Variants in IL1RAPL2 observed in about 807,000 individuals in gnomAD.
The protein encoded by IL1RAPL2 is X-linked interleukin-1 receptor accessory protein-like 2.
A neutral mutation model predicts 44.1 loss-of-function variants in IL1RAPL2; 3 were observed. The observed-to-expected ratio is 0.07, with a 90% CI of 0.03 to 0.18. IL1RAPL2 has a LOEUF of 0.18. Ranked by LOEUF, IL1RAPL2 falls within the 10% of genes least tolerant of loss-of-function variation. The probability of loss-of-function intolerance (pLI) is 1.00; values close to 1 mark genes in which losing one functional copy is unlikely to be tolerated. For synonymous variants in IL1RAPL2, 181 were observed against 178.8 expected, an observed-to-expected ratio of 1.01 and a Z score of -0.10; for missense variants, 391 against 496.4, an observed-to-expected ratio of 0.79 and a Z score of 2.02.
chrX:104,647,124 G>A, intron 1 of IL1RAPL2: 1 of 229,988 alleles, frequency 4.3e-6, no homozygotes. Context: ...TGGGATAGGG[G>A]CAGAAGGAAG....
intron 2 of IL1RAPL2, among the ~76,000 whole-genome samples, chrX:104,829,118 C>T (rs1397677855): frequency 1.8e-5 from 2 of 111,702 alleles, no homozygotes; most frequent in African/African-American, 6.5e-5. Flanking sequence ...GGCTTCAGCC[C>T]CCTTTCCAGG....
At chrX:105,424,771 TAAA>T (rs947285689) in intron 5 of IL1RAPL2, among the ~76,000 whole-genome samples, 2 of 108,135 alleles carry the variant, frequency 1.8e-5, no homozygotes, top group Non-Finnish European at 3.8e-5. Context: ...ATGAATAAAA[TAAA>T]AAATAAAAAT....
At chrX:105,435,371 T>C (rs1208421241) in intron 5 of IL1RAPL2, among the ~76,000 whole-genome samples, 2 of 111,194 alleles carry the variant, frequency 1.8e-5, no homozygotes, top group African/African-American at 3.3e-5. Context: ...AGAATGGTGA[T>C]TATTAAAAAG....
At chrX:105,408,676 A>G (rs1455591195) in intron 5 of IL1RAPL2, among the ~76,000 whole-genome samples, 12 of 111,631 alleles carry the variant, frequency 1.1e-4, no homozygotes, top group Non-Finnish European at 2.3e-4. Context: ...CATAATCAAT[A>G]TATGCCTAAA....
intron 2 of IL1RAPL2, among the ~76,000 whole-genome samples, chrX:105,094,219 T>G (rs1480835444): frequency 1.8e-5 from 2 of 111,875 alleles, no homozygotes; most frequent in East Asian, 5.6e-4. Flanking sequence ...TCAGTTTCCT[T>G]ATCTGTAAAA....
intron 2 of IL1RAPL2, among the ~76,000 whole-genome samples, chrX:104,921,862 A>G (rs756691826): frequency 1.8e-5 from 2 of 111,816 alleles, no homozygotes; most frequent in African/African-American, 6.5e-5. Flanking sequence ...AGCATTGAAT[A>G]CTGGAGGGAG....
At chrX:104,766,283 G>C (rs1299011327) in intron 2 of IL1RAPL2, among the ~76,000 whole-genome samples, 1 of 112,047 alleles carries the variant, frequency 8.9e-6, no homozygotes, top group African/African-American at 3.2e-5. Context: ...AAATATCAAG[G>C]ATTCAAAGCC....
intron 5 of IL1RAPL2, among the ~76,000 whole-genome samples, chrX:105,457,580 A>T (rs1401376291): frequency 9.1e-6 from 1 of 110,111 alleles, no homozygotes; most frequent in Non-Finnish European, 1.9e-5. Flanking sequence ...ATATATAAAA[A>T]TTTAATTGCT....
intron 2 of IL1RAPL2, among the ~76,000 whole-genome samples, chrX:105,076,836 GTC>G (rs965592461): frequency 1.4e-4 from 15 of 110,969 alleles, no homozygotes; most frequent in African/African-American, 4.9e-4. Flanking sequence ...TTGGTTTAAA[GTC>G]TGTTTTATCC....
chrX:104,971,565 C>G (rs1349937125), intron 2 of IL1RAPL2, among the ~76,000 whole-genome samples: 2 of 111,067 alleles, frequency 1.8e-5, no homozygotes, highest in Admixed American at 9.5e-5. Context: ...ACTGCACAGA[C>G]TCCACCTCAT....
At chrX:105,140,256 A>G (rs983953950) in intron 2 of IL1RAPL2, among the ~76,000 whole-genome samples, 6 of 112,309 alleles carry the variant, frequency 5.3e-5, no homozygotes, top group Admixed American at 9.5e-5. Context: ...GCTTACACCT[A>G]AGGTGGCTGT....
At chrX:104,567,595 G>T (rs1928063462) in intron 1 of IL1RAPL2, among the ~76,000 whole-genome samples, 1 of 112,436 alleles carries the variant, frequency 8.9e-6, no homozygotes, top group African/African-American at 3.2e-5. Context: ...AGAGCCTGAA[G>T]GTACTTCCCC....
chrX:105,402,572 A>C (rs964310197), intron 5 of IL1RAPL2, among the ~76,000 whole-genome samples: 7 of 111,662 alleles, frequency 6.3e-5, no homozygotes, highest in African/African-American at 2.3e-4. Context: ...CACTGAGAAT[A>C]CACACACTGT....
intron 2 of IL1RAPL2, among the ~76,000 whole-genome samples, chrX:105,089,410 T>G (rs1364631974): frequency 9.0e-6 from 1 of 111,189 alleles, no homozygotes; most frequent in Non-Finnish European, 1.9e-5. Context: ...TGAGTCCCTA[T>G]TTTCCTTCTT....
At chrX:105,640,749 T>TATAG (rs1439593606) in intron 6 of IL1RAPL2, among the ~76,000 whole-genome samples, 1 of 5,277 alleles carries the variant, frequency 1.9e-4, no homozygotes, top group African/African-American at 8.3e-4. Context: ...TATAGATAGA[T>TATAG]ATAGATATAG....
chrX:105,039,987 T>G (rs1055160396), intron 2 of IL1RAPL2, among the ~76,000 whole-genome samples: 1 of 110,659 alleles, frequency 9.0e-6, no homozygotes, highest in African/African-American at 3.3e-5. Flanking sequence ...TTCCAGTTTT[T>G]GCCCATTCAG....
intron 6 of IL1RAPL2, among the ~76,000 whole-genome samples, chrX:105,590,841 G>A (rs1194274408): frequency 9.9e-6 from 1 of 101,186 alleles, no homozygotes; most frequent in East Asian, 3.1e-4. Context: ...GTGTGTGTGT[G>A]TGTGTGTTTG....
chrX:104,859,981 A>G (rs901113787), intron 2 of IL1RAPL2, among the ~76,000 whole-genome samples: 4 of 112,213 alleles, frequency 3.6e-5, no homozygotes, highest in African/African-American at 1.3e-4. Flanking sequence ...AGTTTCTAAG[A>G]CAGACAGCGT....
chrX:104,829,506 G>T (rs1034298759), intron 2 of IL1RAPL2, among the ~76,000 whole-genome samples: 2 of 112,167 alleles, frequency 1.8e-5, no homozygotes, highest in Non-Finnish European at 3.8e-5. Flanking sequence ...ACTTTAGTTG[G>T]AAATGCAGAA....
Sources: gnomAD v4.1 joint callset for allele counts (sites outside exome capture counted in the v4.1 genomes callset) on GRCh38, gnomAD v4.1.1 for gene constraint, MANE v1.5 for transcripts, NCBI Gene and HGNC (gene_info 2026-07-23, HGNC 2026-07-21) for gene names.